The following LRCH3 variants were observed in gnomAD, a reference collection of about 807,000 sequenced individuals.
LRCH3 encodes the protein leucine rich repeats and calponin homology domain containing 3.
In LRCH3, 68 loss-of-function variants were observed where a neutral mutation model predicts 104.5. The ratio of observed to expected loss-of-function variants is 0.65; its 90% CI spans 0.54 to 0.80. The LOEUF is 0.80. Ranked by LOEUF, LRCH3 falls within the 30% of genes least tolerant of loss-of-function variation. The pLI, the probability that LRCH3 is intolerant of heterozygous loss-of-function variation, is 0.00. For synonymous variants in LRCH3, 344 were observed against 361.3 expected, an observed-to-expected ratio of 0.95 and a Z score of 0.54; for missense variants, 951 against 953.9, an observed-to-expected ratio of 1.00 and a Z score of 0.04.
In LRCH3 at chr3:197,888,326, G is replaced by A. The variant is rs538199586; in HGVS notation, c.*4660G>A. 3 of 152,342 alleles carry A rather than the reference G, an allele frequency of 2.0e-5. No individual in the cohort carries two copies. Among genetic ancestry groups the A allele is most frequent in the African/African-American group, 4.8e-5 (2 of 41,576 alleles). The allele number at this position is 152,342 out of a possible 1,614,324, so 9.4% of individuals were successfully genotyped here. A position where few individuals can be genotyped will look rare whatever the true frequency, so the allele number is the denominator to read the frequency against. On this transcript the variant is annotated 3_prime_UTR_variant, in exon 21 of 21. Transcript: ENST00000425562. ...TTTTGTCTGTAAATATATTGCATAA[G>A]TTCTAAGTATAAATATGTCAGTATC...
chr3:197,840,048 G>C (rs1018262150), intron 10 of LRCH3, among the ~76,000 whole-genome samples: 1 of 151,864 alleles, frequency 6.6e-6, no homozygotes, highest in African/African-American at 2.4e-5. Flanking sequence ...TTTTTGACTG[G>C]ATAACAGAGA....
At chr3:197,824,120 A>G (rs1017846760) in intron 4 of LRCH3, among the ~76,000 whole-genome samples, 25 of 150,896 alleles carry the variant, frequency 1.7e-4, no homozygotes, top group South Asian at 8.4e-4. Context: ...GCTGGAGTGC[A>G]GTGGCATGAT....
chr3:197,832,155 C>A, intron 7 of LRCH3, 42 bp from the exon 8 acceptor site: 1 of 1,585,658 alleles, frequency 6.3e-7, no homozygotes, highest in African/African-American at 1.3e-5. Context: ...ATCTGCCAGG[C>A]TCTAAAATGA....
intron 1 of LRCH3, among the ~76,000 whole-genome samples, chr3:197,812,734 G>GT (rs1275605964): frequency 9.2e-5 from 14 of 151,982 alleles, no homozygotes; most frequent in South Asian, 8.3e-4. Context: ...GCTAATTTTT[G>GT]TATTTTTTGT....
At position 197,883,741 on chromosome 3, in the gene LRCH3, T is replaced by G. The variant is rs746352319; in HGVS notation, c.*75T>G. 2 of 1,445,540 alleles carry G rather than the reference T, an allele frequency of 1.4e-6. No homozygotes were observed. The highest frequency in any genetic ancestry group is 2.8e-5 in the African/African-American group (2 of 70,184). The allele number at this position is 1,445,540 out of a possible 1,614,324, so 89.5% of individuals were successfully genotyped here. ...ACCGTGATTGCTGCTGCCAGCTGTC[T>G]GCTTAAACAAAGCTCTTGTGTGTTC... On this transcript the variant is annotated 3_prime_UTR_variant, in exon 21 of 21. Coordinates refer to ENST00000425562, the MANE Select transcript of LRCH3 (RefSeq NM_001365715.1). This position sits in a 1 kb window ranked among gnomAD's most constrained non-coding sequence, Gnocchi z 4.2.
chr3:197,806,739 G>T (rs767742445), intron 1 of LRCH3, among the ~76,000 whole-genome samples: 2 of 150,090 alleles, frequency 1.3e-5, no homozygotes, highest in Non-Finnish European at 3.0e-5. Context: ...TTAGTTTGGT[G>T]TGGAGTTTCA....
intron 8 of LRCH3, among the ~76,000 whole-genome samples, chr3:197,835,418 A>G (rs1736630472): frequency 6.6e-6 from 1 of 150,426 alleles, no homozygotes; most frequent in Non-Finnish European, 1.5e-5. Flanking sequence ...TCCTGACTTC[A>G]GGTGATCCAC....
intron 1 of LRCH3, among the ~76,000 whole-genome samples, chr3:197,813,297 C>T (rs374656872): frequency 6.8e-6 from 1 of 146,836 alleles, no homozygotes; most frequent in East Asian, 2.1e-4. Context: ...TGTAGTCATT[C>T]CCAAAAAGAG....
chr3:197,872,360 G>GAAAAAA (rs56254857), intron 19 of LRCH3, among the ~76,000 whole-genome samples: 2 of 105,390 alleles, frequency 1.9e-5, no homozygotes, highest in Non-Finnish European at 1.9e-5. Context: ...CTGTCTCAAA[G>GAAAAAA]AAAAAAAAAA....
rs114587271 is a variant in LRCH3, at chr3:197,845,419, A to G, written c.1329-1990A>G. On this transcript the variant is annotated intron_variant, in intron 10 of 20. Coordinates refer to ENST00000425562, the MANE Select transcript of LRCH3 (RefSeq NM_001365715.1). Reference sequence around the variant, plus strand: ...ATGAGACTCTGTCAAAAAAAAAAAAAAAAGAAAGAAAGAAAGAAACATAGG... The same window carrying G: ...ATGAGACTCTGTCAAAAAAAAAAAAGAAAGAAAGAAAGAAAGAAACATAGG... Among the ~76,000 whole-genome samples the G allele has an allele frequency of 3.5e-3, 528 of 151,688 alleles. 3 individuals are homozygous for G. The highest frequency in any genetic ancestry group is 0.011 in the African/African-American group (471 of 41,312).
In LRCH3 at chr3:197,805,550, A is replaced by AG. The variant is rs562961660; in HGVS notation, c.263-9353dup. On this transcript the variant is annotated intron_variant, in intron 1 of 20. Coordinates refer to ENST00000425562, the MANE Select transcript of LRCH3 (RefSeq NM_001365715.1). ...CTCCTCTGATTATTGGAGTTTTTAG[A>AG]GGGGGACACGCCTCCAAACTGAAAA... Among the ~76,000 whole-genome samples the AG allele has an allele frequency of 8.1e-4, 121 of 149,674 alleles. 1 individual carries two copies. Among genetic ancestry groups the AG allele is most frequent in the Non-Finnish European group, 1.3e-3 (87 of 67,516 alleles).
At chr3:197,836,137 G>T (rs922584180) in intron 9 of LRCH3, among the ~76,000 whole-genome samples, 2 of 152,106 alleles carry the variant, frequency 1.3e-5, no homozygotes, top group African/African-American at 4.8e-5. Context: ...TTTCATTGTT[G>T]TTTTTATTGC....
chr3:197,858,811 TCTC>T lies in LRCH3; in HGVS notation c.1645-22_1645-20del, dbSNP rs771187284. 154 of 1,602,190 alleles carry T rather than the reference TCTC, an allele frequency of 9.6e-5. No individual in the cohort carries two copies. Among genetic ancestry groups the T allele is most frequent in the Non-Finnish European group, 1.3e-4 (148 of 1,169,240 alleles). On this transcript the variant is annotated intron_variant, in intron 14 of 20. Transcript: ENST00000425562. ...AACATAAATGCTGCCTTCTGTTTCT[TCTC>T]TTTCTCATTTGAAATGTAGTCGCTG...
intron 16 of LRCH3, among the ~76,000 whole-genome samples, chr3:197,865,868 G>A (rs1450452704): frequency 6.6e-6 from 1 of 151,664 alleles, no homozygotes; most frequent in Non-Finnish European, 1.5e-5. Flanking sequence ...GCGGGAGACT[G>A]TTCAATATGA....
Position 197,871,352 on chromosome 3 carries a change from C to CT in LRCH3, c.2021dup (p.Pro675ThrfsTer3). On this transcript the variant is annotated frameshift_variant, in exon 19 of 21. Coordinates refer to ENST00000425562, the MANE Select transcript of LRCH3 (RefSeq NM_001365715.1). LOFTEE classifies it high-confidence loss of function. ...TATTGAGTACCGGTTGAAAGTGTCT[C>CT]TACCTTGTGATCTCGGAGCAGCTCT... 1 of 1,613,992 alleles carries CT rather than the reference C, an allele frequency of 6.2e-7. No homozygotes were observed.
intron 17 of LRCH3, among the ~76,000 whole-genome samples, chr3:197,868,473 C>G (rs1032759641): frequency 9.9e-5 from 15 of 152,148 alleles, no homozygotes; most frequent in African/African-American, 3.6e-4. Context: ...TGGATACTGA[C>G]GGATGACTGT....
chr3:197,882,388 C>A, intron 20 of LRCH3: 15 of 980,822 alleles, frequency 1.5e-5, no homozygotes, highest in Non-Finnish European at 1.8e-5. Flanking sequence ...ACAGTTACCT[C>A]ATTTTATCAA....
intron 15 of LRCH3, among the ~76,000 whole-genome samples, chr3:197,861,337 CAAGG>C (rs1740857601): frequency 6.6e-6 from 1 of 152,154 alleles, no homozygotes; most frequent in East Asian, 1.9e-4. Context: ...AAAATGATCT[CAAGG>C]AAGGTCCATA....
chr3:197,821,743 T>G (rs955863106), intron 4 of LRCH3, among the ~76,000 whole-genome samples: 1 of 152,224 alleles, frequency 6.6e-6, no homozygotes, highest in Non-Finnish European at 1.5e-5. Context: ...GGCACGAACA[T>G]GGCTCACTGC....
Sources: gnomAD v4.1 joint callset for allele counts (sites outside exome capture counted in the v4.1 genomes callset) on GRCh38, gnomAD v4.1.1 for gene constraint, Gnocchi (gnomAD v3.1) non-coding constraint, MANE v1.5 for transcripts, NCBI Gene and HGNC (gene_info 2026-07-23, HGNC 2026-07-21) for gene names.